The following DPP10 variants were observed in gnomAD, a reference collection of about 807,000 sequenced individuals.
The protein encoded by DPP10 is inactive dipeptidyl peptidase 10.
A neutral mutation model predicts 120.9 loss-of-function variants in DPP10; 33 were observed. The observed-to-expected ratio is 0.27, with a 90% CI of 0.21 to 0.37. The LOEUF (loss-of-function observed/expected upper bound fraction) is 0.37, where lower values mean the gene tolerates loss of function less well. DPP10 is among the 10% of genes least tolerant of loss of function. The pLI is 1.00. For missense variants in DPP10, 816 were observed against 942.8 expected (o/e 0.87, Z 1.76); for synonymous variants, 337 against 326.1 (o/e 1.03, Z -0.36).
intron 1 of DPP10, among the ~76,000 whole-genome samples, chr2:114,932,864 A>C (rs1696183581): frequency 6.6e-6 from 1 of 152,220 alleles, no homozygotes; most frequent in Non-Finnish European, 1.5e-5. Flanking sequence ...TAAAAGAATA[A>C]AAAAGTATGC....
intron 1 of DPP10, among the ~76,000 whole-genome samples, chr2:115,095,874 G>T (rs2104587564): frequency 6.6e-6 from 1 of 152,102 alleles, no homozygotes; most frequent in Admixed American, 6.6e-5. Flanking sequence ...AGTATTAAGT[G>T]GTGTAATAGT....
chr2:115,543,515 C>T (rs541829479), intron 5 of DPP10, among the ~76,000 whole-genome samples: 1 of 152,064 alleles, frequency 6.6e-6, no homozygotes, highest in Admixed American at 6.6e-5. Flanking sequence ...TTCATTTTTG[C>T]TAAATACTAG....
intron 1 of DPP10, among the ~76,000 whole-genome samples, chr2:114,777,075 C>T (rs1681814427): frequency 6.6e-6 from 1 of 151,980 alleles, no homozygotes; most frequent in Admixed American, 6.6e-5. Flanking sequence ...GGACTAAAAG[C>T]AGTTAATACA....
chr2:115,744,198 A>G (rs1480873276), intron 9 of DPP10, among the ~76,000 whole-genome samples: 1 of 150,418 alleles, frequency 6.6e-6, no homozygotes, highest in African/African-American at 2.4e-5. Flanking sequence ...CTCAGGTTCC[A>G]GGAGATGCTG....
At chr2:114,497,354 TACATATACATAC>T (rs1682736586) in intron 1 of DPP10, among the ~76,000 whole-genome samples, 2 of 131,946 alleles carry the variant, frequency 1.5e-5, no homozygotes, top group East Asian at 2.5e-4. Context: ...CATACACATG[TACATATACATAC>T]ACATGTACAT....
chr2:114,716,513 G>A (rs574731783), intron 1 of DPP10, among the ~76,000 whole-genome samples: 11 of 152,234 alleles, frequency 7.2e-5, no homozygotes, highest in South Asian at 2.1e-4. Context: ...ACTGGGCTTC[G>A]TAAAATACTT....
rs139937237 is a variant in DPP10, at chr2:115,374,942, G to T, written c.271+31030G>T. Among the ~76,000 whole-genome samples, 847 of 152,310 alleles carry T rather than the reference G, an allele frequency of 5.6e-3. 4 individuals are homozygous for T. Among genetic ancestry groups the T allele is most frequent in the African/African-American group, 0.016 (674 of 41,576 alleles). On this transcript the variant is annotated intron_variant, in intron 3 of 25. Transcript: ENST00000410059. ...GGCCTCTGGGCCTGTGATGGGAGGG[G>T]CTATTGTGAAGATCTCTGACATGCC...
intron 1 of DPP10, among the ~76,000 whole-genome samples, chr2:114,847,882 C>T (rs113429864): frequency 4.6e-5 from 7 of 152,194 alleles, no homozygotes; most frequent in East Asian, 3.9e-4. Context: ...ACAGACCTTG[C>T]GTGTACCCAC....
intron 5 of DPP10, chr2:115,579,666 A>G (rs555526756): frequency 6.6e-6 from 1 of 152,342 alleles, no homozygotes; most frequent in Non-Finnish European, 1.5e-5. Flanking sequence ...TATTTAAAGA[A>G]TAAGAGTAGT....
chr2:114,500,043 T>C (rs1261583236), intron 1 of DPP10, among the ~76,000 whole-genome samples: 1 of 152,238 alleles, frequency 6.6e-6, no homozygotes, highest in African/African-American at 2.4e-5. Flanking sequence ...CTGTTGAGAA[T>C]ATTAGGGTTC....
intron 1 of DPP10, among the ~76,000 whole-genome samples, chr2:114,873,653 T>C (rs1399913880): frequency 2.0e-5 from 3 of 152,048 alleles, no homozygotes; most frequent in Non-Finnish European, 1.5e-5. Context: ...GTGTCCTTCA[T>C]AGAGAAATGC....
intron 1 of DPP10, among the ~76,000 whole-genome samples, chr2:114,990,401 T>A (rs1700688549): frequency 7.1e-6 from 1 of 140,814 alleles, no homozygotes; most frequent in African/African-American, 2.6e-5. Context: ...CTATCTATTA[T>A]CTATCTAATC....
intron 1 of DPP10, among the ~76,000 whole-genome samples, chr2:115,179,407 G>T (rs1198513067): frequency 6.6e-6 from 1 of 152,082 alleles, no homozygotes; most frequent in Non-Finnish European, 1.5e-5. Flanking sequence ...CTCAATACAT[G>T]ATAATGAATA....
rs570688566 is a variant in DPP10 at position 114,639,367 on chromosome 2, CAT to C, written c.60+196530_60+196531del. ...ACCTTCCACTGGGTCCCTCCCATGA[CAT>C]GTGGGAATTATGGGAGCTAGTCAAG... On this transcript the variant is annotated intron_variant, in intron 1 of 25. Transcript: ENST00000410059. Among the ~76,000 whole-genome samples the C allele has an allele frequency of 9.9e-5, 15 of 152,012 alleles. No individual in the cohort carries two copies. In the South Asian group the frequency reaches 3.1e-3, roughly 32 times the overall value.
At chr2:115,665,655 TCTAA>T (rs2089393597) in intron 5 of DPP10, among the ~76,000 whole-genome samples, 1 of 152,142 alleles carries the variant, frequency 6.6e-6, no homozygotes, top group Non-Finnish European at 1.5e-5. Flanking sequence ...TTTACCCCAC[TCTAA>T]CTCTCTTGCT....
At chr2:114,461,015 C>A (rs993576378) in intron 1 of DPP10, among the ~76,000 whole-genome samples, 2 of 152,174 alleles carry the variant, frequency 1.3e-5, no homozygotes, top group African/African-American at 4.8e-5. Flanking sequence ...GTTTTGGAAG[C>A]ATTCATAGTA....
intron 1 of DPP10, among the ~76,000 whole-genome samples, chr2:115,206,276 C>G (rs1017575578): frequency 6.6e-6 from 1 of 152,026 alleles, no homozygotes; most frequent in Admixed American, 6.6e-5. Context: ...GATAATGTAC[C>G]ATACGCCTCC....
chr2:115,810,410 T>C (rs1278880564), intron 19 of DPP10, among the ~76,000 whole-genome samples: 1 of 152,208 alleles, frequency 6.6e-6, no homozygotes, highest in Admixed American at 6.5e-5. Flanking sequence ...CAAATCTCTA[T>C]ACTTTAATCC....
intron 1 of DPP10, among the ~76,000 whole-genome samples, chr2:114,695,820 T>A (rs922625859): frequency 6.6e-6 from 1 of 152,118 alleles, no homozygotes; most frequent in African/African-American, 2.4e-5. Flanking sequence ...CAACTGAACC[T>A]ATGCTGTGAT....
Sources: gnomAD v4.1 joint callset for allele counts (sites outside exome capture counted in the v4.1 genomes callset) on GRCh38, gnomAD v4.1.1 for gene constraint, MANE v1.5 for transcripts, NCBI Gene and HGNC (gene_info 2026-07-23, HGNC 2026-07-21) for gene names.